The following CDH13 variants were observed in gnomAD, a reference collection of about 807,000 sequenced individuals.
CDH13 encodes cadherin 13.
Under a neutral mutation model 63.8 loss-of-function variants are expected in CDH13, and 24 were observed. That is an observed-to-expected ratio of 0.38 (90% CI 0.27 to 0.53). CDH13 has a LOEUF of 0.53. Ranked by LOEUF, CDH13 falls within the 20% of genes least tolerant of loss-of-function variation. The pLI is 0.85. For missense variants in CDH13, 1,049 were observed against 903.1 expected (o/e 1.16, Z -2.07); for synonymous variants, 503 against 355.3 (o/e 1.42, Z -4.67).
At chr16:83,083,662 C>G (rs1374258540) in intron 3 of CDH13, among the ~76,000 whole-genome samples, 1 of 152,152 alleles carries the variant, frequency 6.6e-6, no homozygotes, top group East Asian at 1.9e-4. Context: ...CGCAGAGAAA[C>G]TCGATAGAAC....
At chr16:83,231,229 C>T (rs1000023610) in intron 5 of CDH13, among the ~76,000 whole-genome samples, 1 of 152,182 alleles carries the variant, frequency 6.6e-6, no homozygotes, top group Admixed American at 6.5e-5. Flanking sequence ...TTCAGTTTAA[C>T]TGTGTAGGTT....
intron 1 of CDH13, among the ~76,000 whole-genome samples, chr16:82,681,753 C>T (rs1033859640): frequency 1.2e-4 from 18 of 152,232 alleles, no homozygotes; most frequent in African/African-American, 3.9e-4. Context: ...CCCGTGTCCA[C>T]GCACAGCAGT....
At chr16:83,026,494 G>T (rs1053563539) in intron 2 of CDH13, among the ~76,000 whole-genome samples, 4 of 129,570 alleles carry the variant, frequency 3.1e-5, no homozygotes, top group Non-Finnish European at 7.1e-5. Context: ...GTTCGAGGGT[G>T]GGGGGACAAA....
intron 6 of CDH13, among the ~76,000 whole-genome samples, chr16:83,433,264 C>T (rs1482409998): frequency 6.6e-6 from 1 of 152,216 alleles, no homozygotes; most frequent in Non-Finnish European, 1.5e-5. Flanking sequence ...TTTGCTTACC[C>T]AACATCTCAT....
At chr16:82,885,345 GT>G (rs1225007280) in intron 2 of CDH13, among the ~76,000 whole-genome samples, 1 of 152,100 alleles carries the variant, frequency 6.6e-6, no homozygotes, top group Non-Finnish European at 1.5e-5. Flanking sequence ...TCAGTTTTAT[GT>G]TTTTTCTTTC....
intron 10 of CDH13, 92 bp from the exon 11 acceptor site, chr16:83,748,016 C>T (rs572250700): frequency 8.1e-6 from 11 of 1,361,054 alleles, no homozygotes; most frequent in African/African-American, 1.4e-5. Context: ...TAGGATCCAG[C>T]ACCTAGCCTA....
At chr16:82,770,199 A>C (rs949912666) in intron 1 of CDH13, among the ~76,000 whole-genome samples, 2 of 152,178 alleles carry the variant, frequency 1.3e-5, no homozygotes, top group Non-Finnish European at 2.9e-5. Context: ...AGTATTAGAG[A>C]ATAGTGTTCG....
intron 2 of CDH13, among the ~76,000 whole-genome samples, chr16:82,988,159 C>T (rs1195739909): frequency 2.0e-5 from 3 of 152,102 alleles, no homozygotes; most frequent in Non-Finnish European, 2.9e-5. Flanking sequence ...CGTGTGTGTA[C>T]ATGCATATGT....
intron 2 of CDH13, among the ~76,000 whole-genome samples, chr16:82,907,525 T>G (rs1346270437): frequency 6.6e-6 from 1 of 152,172 alleles, no homozygotes; most frequent in African/African-American, 2.4e-5. Flanking sequence ...CCAACAATGG[T>G]CAGTTATATA....
chr16:82,912,037 C>T (rs1349010689), intron 2 of CDH13, among the ~76,000 whole-genome samples: 1 of 152,032 alleles, frequency 6.6e-6, no homozygotes, highest in Non-Finnish European at 1.5e-5. Context: ...AGAGCCCCAG[C>T]TCCCACGGCT....
chr16:83,380,069 A>G (rs546061279), intron 6 of CDH13, among the ~76,000 whole-genome samples: 107 of 152,038 alleles, frequency 7.0e-4, no homozygotes, highest in African/African-American at 2.6e-3. Context: ...TTATTCTCAG[A>G]AACAAATATA....
chr16:83,695,035 C>T (rs1905242172), intron 10 of CDH13, among the ~76,000 whole-genome samples: 2 of 152,160 alleles, frequency 1.3e-5, no homozygotes, highest in South Asian at 2.1e-4. Context: ...GATGAAACCC[C>T]GTCTCTATTA....
chr16:83,441,256 C>T (rs1410582105), intron 6 of CDH13, among the ~76,000 whole-genome samples: 1 of 152,122 alleles, frequency 6.6e-6, no homozygotes, highest in Non-Finnish European at 1.5e-5. Context: ...ACTTTGAGTA[C>T]CACTCTGGTA....
intron 6 of CDH13, among the ~76,000 whole-genome samples, chr16:83,392,508 T>G (rs1173527186): frequency 6.6e-6 from 1 of 152,214 alleles, no homozygotes; most frequent in Non-Finnish European, 1.5e-5. Flanking sequence ...ACTCCCCTGA[T>G]AGAGTTCCAA....
At chr16:82,928,336 A>G (rs999613270) in intron 2 of CDH13, among the ~76,000 whole-genome samples, 1 of 152,190 alleles carries the variant, frequency 6.6e-6, no homozygotes, top group African/African-American at 2.4e-5. Context: ...TGCATAAATG[A>G]TATTTCTTCA....
At chr16:83,674,578 AG>A (rs1356132658) in intron 9 of CDH13, among the ~76,000 whole-genome samples, 13 of 152,240 alleles carry the variant, frequency 8.5e-5, no homozygotes, top group African/African-American at 2.9e-4. Context: ...CATAAGGCAG[AG>A]GGGGGCTGGT....
rs2090853876 is a variant in CDH13 at position 83,347,019 on chromosome 16, G to C, written c.781+2013G>C. Among the ~76,000 whole-genome samples, 4 of 152,134 alleles carry C rather than the reference G, an allele frequency of 2.6e-5. No individual in the cohort carries two copies. In the South Asian group the frequency reaches 8.3e-4, roughly 32 times the overall value. On this transcript the variant is annotated intron_variant, in intron 6 of 13. Transcript: ENST00000567109. ...GGACTATAAAGCACGCAGTGAAATA[G>C]AATCAGTCAGATTTGGGATCCAGAA... is the stretch of plus-strand genomic sequence containing the variant.
intron 1 of CDH13, among the ~76,000 whole-genome samples, chr16:82,740,000 A>G (rs2033857746): frequency 6.6e-6 from 1 of 152,218 alleles, no homozygotes; most frequent in African/African-American, 2.4e-5. Context: ...AAAGCAAAAT[A>G]CCACCTAATA....
chr16:83,040,607 G>C (rs1917247481), intron 3 of CDH13, among the ~76,000 whole-genome samples: 1 of 152,150 alleles, frequency 6.6e-6, no homozygotes, highest in Non-Finnish European at 1.5e-5. Context: ...TTTTATGCTG[G>C]CAGCTGATTA....
Sources: gnomAD v4.1 joint callset for allele counts (sites outside exome capture counted in the v4.1 genomes callset) on GRCh38, gnomAD v4.1.1 for gene constraint, MANE v1.5 for transcripts, NCBI Gene and HGNC (gene_info 2026-07-23, HGNC 2026-07-21) for gene names.